RNASE12: variants seen among roughly 807,000 people sequenced by gnomAD.
RNASE12 encodes the protein ribonuclease A family member 12 (inactive), also known as probable inactive ribonuclease-like protein 12.
For missense variants in RNASE12, 161 were observed against 177.6 expected, an observed-to-expected ratio of 0.91 and a Z score of 0.53; for synonymous variants, 55 against 59.8, an observed-to-expected ratio of 0.92 and a Z score of 0.37.
At chr14:20,591,088 G>A, upstream of RNASE12, 1 of 985,390 alleles carries the variant, frequency 1.0e-6, no homozygotes, top group Non-Finnish European at 1.2e-6. Context: ...CATATAGAAA[G>A]TGGTCAAGGT....
At chr14:20,590,890 T>C (rs12435502), upstream of RNASE12, 20,429 of 1,444,540 alleles carry the variant, frequency 0.014, 201 homozygotes, top group Non-Finnish European at 0.016. Context: ...ACACTGACCT[T>C]GCAAGATCCA....
At chr14:20,590,502 T>G in exon 1 of RNASE12, 1 of 1,614,282 alleles carries the variant, frequency 6.2e-7, no homozygotes, top group Non-Finnish European at 8.5e-7. Context: ...CATTGATTTT[T>G]CGAGGCCTCT....
At position 20,590,448 on chromosome 14, in the gene RNASE12, C is replaced by T. The variant is rs150863419; in HGVS notation, c.276G>A (p.Ser92=). 4.6e-5 allele frequency: 75 copies of T among 1,614,020 alleles called. No homozygotes were observed. The Admixed American group carries it at 7.2e-4, about 15-fold the overall frequency. ...TCTCACTCTGAAAGCAGAAAATGGC[C>T]GAAAGGTTTTGGCAAGCAACCTTCT... Residue 92 remains serine, a synonymous_variant, in exon 1 of 1, where the codon TCG becomes TCA. Transcript: ENST00000556526.
chr14:20,590,223 C>G, exon 1 of RNASE12: 2 of 1,587,264 alleles, frequency 1.3e-6, no homozygotes, highest in Non-Finnish European at 8.6e-7. Flanking sequence ...GCCTCAGGCA[C>G]AGCCAGCTCC....
chr14:20,590,220 G>T, exon 1 of RNASE12: 1 of 1,585,034 alleles, frequency 6.3e-7, no homozygotes, highest in Non-Finnish European at 8.6e-7. Context: ...TCTGCCTCAG[G>T]CACAGCCAGC....
exon 1 of RNASE12, chr14:20,590,639 G>A (rs1469535208): frequency 6.2e-7 from 1 of 1,614,242 alleles, no homozygotes; most frequent in Non-Finnish European, 8.5e-7. Context: ...ACATGCAAGT[G>A]TTCTAAAGTT....
Position 20,590,650 on chromosome 14 carries a change from G to T in RNASE12, c.74C>A (p.Ser25Ter). The change falls in exon 1 of 1, where the codon TCA (serine) becomes TAA (stop). Residue 25 changes from serine (S) to a stop codon, truncating the protein, a stop_gained. Coordinates refer to ENST00000556526, the Ensembl canonical transcript of RNASE12. LOFTEE classifies it low-confidence loss of function (END_TRUNC). ...GTCCACATGCAAGTGTTCTAAAGTT[G>T]ACATCACTGCTTCATCATTCACCTC... is the stretch of plus-strand genomic sequence containing the variant. The T allele has an allele frequency of 6.2e-7, 1 of 1,614,218 alleles. No homozygotes were observed. The highest frequency in any genetic ancestry group is 8.5e-7 in the Non-Finnish European group (1 of 1,180,044).
exon 1 of RNASE12, chr14:20,590,409 C>T (rs1209589581): frequency 1.2e-6 from 2 of 1,614,220 alleles, no homozygotes; most frequent in South Asian, 2.2e-5. Flanking sequence ...GACAGACTGT[C>T]ATTTTGAACT....
chr14:20,590,260 A>T, exon 1 of RNASE12: 3 of 1,608,886 alleles, frequency 1.9e-6, no homozygotes, highest in Non-Finnish European at 2.5e-6. Context: ...GAGATCTCAG[A>T]CTCGGGAGCT....
upstream of RNASE12, chr14:20,591,151 C>T (rs1884572307): frequency 2.0e-6 from 2 of 985,070 alleles, no homozygotes; most frequent in Non-Finnish European, 2.4e-6. Context: ...ACCTTAAATC[C>T]ACCCAATTGC....
chr14:20,591,098 T>C, upstream of RNASE12: 1 of 985,166 alleles, frequency 1.0e-6, no homozygotes, highest in African/African-American at 1.7e-5. Context: ...GTGGTCAAGG[T>C]TATTCATATT....
upstream of RNASE12, chr14:20,591,214 C>T (rs1467093470): frequency 3.0e-6 from 3 of 983,846 alleles, no homozygotes. Flanking sequence ...CTTCCAAGTC[C>T]CTCCCTCTGT....
chr14:20,590,225 G>T, exon 1 of RNASE12: 1 of 1,589,486 alleles, frequency 6.3e-7, no homozygotes, highest in Non-Finnish European at 8.6e-7. Flanking sequence ...CTCAGGCACA[G>T]CCAGCTCCAA....
At chr14:20,591,242 G>A (rs74442600), upstream of RNASE12, 58,388 of 984,504 alleles carry the variant, frequency 0.059, 1,795 homozygotes, top group African/African-American at 0.077. Flanking sequence ...GCTTGGCTCT[G>A]TGCTAGCTCC....
At position 20,590,398 on chromosome 14, in the gene RNASE12, T is replaced by C. The variant is rs752430062; in HGVS notation, c.326A>G (p.Gln109Arg). ...AGGGTATCTTGTGCCTTCAATGAGCTGACAGACTGTCATTTTGAACTTTGT... is the reference window on the plus strand; with the variant it reads ...AGGGTATCTTGTGCCTTCAATGAGCCGACAGACTGTCATTTTGAACTTTGT... Residue 109 changes from glutamine to arginine, a missense_variant, in exon 1 of 1, where the codon CAG (glutamine) becomes CGG (arginine). Coordinates refer to ENST00000556526, the Ensembl canonical transcript of RNASE12. The C allele has an allele frequency of 8.1e-6, 13 of 1,614,234 alleles. No individual in the cohort carries two copies. The East Asian group carries it at 2.9e-4, about 36-fold the overall frequency.
downstream of RNASE12, chr14:20,590,190 C>A: frequency 6.5e-7 from 1 of 1,536,296 alleles, no homozygotes; most frequent in East Asian, 2.3e-5. Flanking sequence ...CAAGGCATTG[C>A]CCCATGTCCA....
chr14:20,591,339 C>G, upstream of RNASE12: 1 of 970,230 alleles, frequency 1.0e-6, no homozygotes, highest in Non-Finnish European at 1.2e-6. Context: ...TCTTGCTGTT[C>G]CCTGACAATA....
chr14:20,591,121 T>C (rs2138902246), upstream of RNASE12: 4 of 985,390 alleles, frequency 4.1e-6, no homozygotes, highest in Non-Finnish European at 4.8e-6. Context: ...TGAATAACCT[T>C]CTTTCCCGTA....
rs41317318 is a variant in RNASE12, at chr14:20,590,743, G to A, written c.-20C>T. The stretch of plus-strand genomic sequence containing the variant: ...TATCATCAGAGGTAAGAGTGACTTC[G>A]CATCTTTGGCTTTGACTGCTGTTGA... On this transcript the variant is annotated 5_prime_UTR_variant, in exon 1 of 1. The change creates a premature stop within an existing upstream ORF in the 5' untranslated region. Coordinates refer to ENST00000556526, the Ensembl canonical transcript of RNASE12. 126,151 of 1,605,018 alleles carry A rather than the reference G, an allele frequency of 0.079. 5,766 individuals carry two copies. Among genetic ancestry groups the A allele is most frequent in the Admixed American group, 0.21 (12,293 of 59,756 alleles).
Sources: gnomAD v4.1 joint callset for allele counts on GRCh38, gnomAD v4.1.1 for gene constraint, MANE v1.5 for transcripts, NCBI Gene and HGNC (gene_info 2026-07-23, HGNC 2026-07-21) for gene names.